PKD2L2: variants seen among roughly 807,000 people sequenced by gnomAD.
The protein encoded by PKD2L2 is polycystin 2 like 2, transient receptor potential cation channel.
Under a neutral mutation model 83.9 loss-of-function variants are expected in PKD2L2, and 67 were observed. That is an observed-to-expected ratio of 0.80 (90% CI 0.66 to 0.98). The LOEUF (loss-of-function observed/expected upper bound fraction) is 0.98. Among genes scored for constraint, PKD2L2 ranks in the 50% least tolerant of loss-of-function variants. The pLI, the probability that PKD2L2 is intolerant of heterozygous loss-of-function variation, is 0.00. For synonymous variants in PKD2L2, 223 were observed against 237.8 expected (o/e 0.94, Z 0.57); for missense variants, 632 against 717.2 (o/e 0.88, Z 1.36).
At chr5:137,929,622 T>C (rs191298789) in intron 12 of PKD2L2, among the ~76,000 whole-genome samples, 1 of 139,484 alleles carries the variant, frequency 7.2e-6, no homozygotes, top group East Asian at 2.1e-4. Flanking sequence ...ACCAGATATA[T>C]CTAACATAAA....
intron 5 of PKD2L2, 115 bp from the exon 6 acceptor site, chr5:137,906,091 A>G: frequency 1.6e-6 from 1 of 618,344 alleles, no homozygotes; most frequent in Non-Finnish European, 2.8e-6. Context: ...ATACTTTATT[A>G]AAAAAAACTG....
Position 137,894,465 on chromosome 5 carries a change from G to T in PKD2L2, c.380G>T (p.Gly127Val). ...SRIYYENILL[G>V]VPRVRQLKVR... Reference sequence around the variant, plus strand: ...ATCTACTATGAAAATATACTTCTAGGAGTTCCCAGAGTTCGTCAACTAAAA... The same window carrying T: ...ATCTACTATGAAAATATACTTCTAGTAGTTCCCAGAGTTCGTCAACTAAAA... Residue 127 changes from glycine (G) to valine (V), a missense_variant, in exon 4 of 15, where the codon GGA becomes GTA. Physicochemically the swap from Gly to Val is moderately radical, Grantham distance 109. This residue lies in a region of PKD2L2 where 229 missense variants were observed against 281.5 expected (regional missense o/e 0.81). Coordinates refer to ENST00000508883, the MANE Select transcript of PKD2L2 (RefSeq NM_001300921.2). 1 of 1,613,800 alleles carries T rather than the reference G, an allele frequency of 6.2e-7. No individual in the cohort carries two copies. The highest frequency in any genetic ancestry group is 8.5e-7 in the Non-Finnish European group (1 of 1,179,890).
At chr5:137,934,970 G>A (rs886789337) in intron 12 of PKD2L2, among the ~76,000 whole-genome samples, 2 of 152,192 alleles carry the variant, frequency 1.3e-5, no homozygotes, top group Non-Finnish European at 2.9e-5. Context: ...CACTTATCAA[G>A]CAACCACAGA....
intron 5 of PKD2L2, among the ~76,000 whole-genome samples, chr5:137,904,594 A>G (rs1264123275): frequency 6.6e-6 from 1 of 152,132 alleles, no homozygotes; most frequent in African/African-American, 2.4e-5. Flanking sequence ...AGGGGGAACA[A>G]CAGACACTGG....
intron 12 of PKD2L2, among the ~76,000 whole-genome samples, chr5:137,927,625 C>T (rs2150053242): frequency 6.6e-6 from 1 of 152,220 alleles, no homozygotes; most frequent in Non-Finnish European, 1.5e-5. Context: ...AAGAGGATGT[C>T]CTTGTATGCA....
chr5:137,940,238 G>C (rs778485796), intron 14 of PKD2L2: 4 of 1,613,954 alleles, frequency 2.5e-6, no homozygotes, highest in Non-Finnish European at 3.4e-6. Flanking sequence ...TATGGATTTT[G>C]AAGAATCTTG....
chr5:137,934,376 T>C lies in PKD2L2; in HGVS notation c.1672-1421T>C, dbSNP rs939079888. Among the ~76,000 whole-genome samples, 6 of 152,224 alleles carry C rather than the reference T, an allele frequency of 3.9e-5. No individual in the cohort carries two copies. The East Asian group carries it at 5.8e-4, about 15-fold the overall frequency. On this transcript the variant is annotated intron_variant, in intron 12 of 14. Transcript: ENST00000508883. ...TATTACTAATACATCCACTTTATAATTGGCCTGGTCATTTAGAAATGGTTT... is the reference window on the plus strand; with the variant it reads ...TATTACTAATACATCCACTTTATAACTGGCCTGGTCATTTAGAAATGGTTT...
intron 4 of PKD2L2, among the ~76,000 whole-genome samples, chr5:137,899,249 T>C (rs992131854): frequency 6.6e-6 from 1 of 152,104 alleles, no homozygotes. Context: ...CCTGAGCAGG[T>C]GGGACTACAG....
At chr5:137,923,019 T>C (rs1194076087) in intron 9 of PKD2L2, among the ~76,000 whole-genome samples, 1 of 150,582 alleles carries the variant, frequency 6.6e-6, no homozygotes, top group Non-Finnish European at 1.5e-5. Context: ...TTCTTTTCTT[T>C]TTTTTTTTTT....
intron 5 of PKD2L2, 75 bp from the exon 6 acceptor site, chr5:137,906,131 T>C (rs1757344847): frequency 3.6e-6 from 3 of 825,358 alleles, no homozygotes; most frequent in African/African-American, 3.4e-5. Flanking sequence ...TAATCATTGA[T>C]TGAAAATTTC....
At chr5:137,916,642 G>A (rs1758381211) in intron 8 of PKD2L2, among the ~76,000 whole-genome samples, 1 of 151,454 alleles carries the variant, frequency 6.6e-6, no homozygotes, top group African/African-American at 2.4e-5. Context: ...ACCACACCCG[G>A]CTAATTTTTG....
intron 1 of PKD2L2, chr5:137,890,208 G>A: frequency 4.0e-6 from 1 of 248,582 alleles, no homozygotes; most frequent in Non-Finnish European, 7.5e-6. Context: ...GCTTGAACCG[G>A]GGAGGCGGAG....
Position 137,923,523 on chromosome 5 carries a change from TA to T in PKD2L2, c.1551+4del. 1 of 1,269,770 alleles carries T rather than the reference TA, an allele frequency of 7.9e-7. No homozygotes were observed. The highest frequency in any genetic ancestry group is 1.2e-6 in the Non-Finnish European group (1 of 866,852). 78.7% of individuals were successfully genotyped at this position (1,269,770 alleles called of 1,614,324 possible). A position where few individuals can be genotyped will look rare whatever the true frequency, so the allele number is the denominator to read the frequency against. On this transcript the variant is annotated splice_donor_region_variant and intron_variant, in intron 10 of 14. Transcript: ENST00000508883. Reference sequence around the variant, plus strand: ...GAACTTGGCAAAATGATTAAACAGGTAAGTCAAATTTCTTTCCTAATTAGAA... The same window carrying T: ...GAACTTGGCAAAATGATTAAACAGGTAGTCAAATTTCTTTCCTAATTAGAA...
chr5:137,941,560 T>C (rs1330518306), intron 14 of PKD2L2, among the ~76,000 whole-genome samples: 3 of 152,280 alleles, frequency 2.0e-5, no homozygotes, highest in Non-Finnish European at 2.9e-5. Flanking sequence ...ATGAACACAA[T>C]GGTCTCAGTA....
In PKD2L2 at chr5:137,889,471, G is replaced by GC; in HGVS notation, c.-20dup. The GC allele has an allele frequency of 6.3e-7, 1 of 1,581,744 alleles. No individual in the cohort carries two copies. Among genetic ancestry groups the GC allele is most frequent in the Non-Finnish European group, 8.6e-7 (1 of 1,167,018 alleles). On this transcript the variant is annotated 5_prime_UTR_variant, in exon 1 of 15. Transcript: ENST00000508883. ...GCCGCGGCCTCAGGCGAACGAACGGGCGGTGTAGTGCAGGTCCGCCATGGC... is the reference window on the plus strand; with the variant it reads ...GCCGCGGCCTCAGGCGAACGAACGGGCCGGTGTAGTGCAGGTCCGCCATGGC...
chr5:137,936,319 G>A lies in PKD2L2; in HGVS notation c.1785-1G>A, dbSNP rs1349524934. On this transcript the variant is annotated splice_acceptor_variant, in intron 13 of 14. Transcript: ENST00000508883. LOFTEE classifies it high-confidence loss of function. Reference sequence around the variant, plus strand: ...TCTCTACTTCCTTCGAAATTTTCTAGACTTTTTTTATATGCTGTGGAGCTG... The same window carrying A: ...TCTCTACTTCCTTCGAAATTTTCTAAACTTTTTTTATATGCTGTGGAGCTG... The A allele has an allele frequency of 6.5e-7, 1 of 1,530,076 alleles. No homozygotes were observed. Among genetic ancestry groups the A allele is most frequent in the Non-Finnish European group, 8.8e-7 (1 of 1,141,398 alleles). The allele number at this position is 1,530,076 out of a possible 1,614,324, so 94.8% of individuals were successfully genotyped here.
chr5:137,923,469 A>ACT lies in PKD2L2; in HGVS notation c.1500_1501dup (p.Tyr501SerfsTer4). 6.4e-7 allele frequency: 1 copy of ACT among 1,570,738 alleles called. No homozygotes were observed. The highest frequency in any genetic ancestry group is 8.8e-7 in the Non-Finnish European group (1 of 1,140,528). ...GATACCTATTCTGAAGTGAAAGCTGACTATTCAATAGGCAGAAGGCTAGAT... is the reference window on the plus strand; with the variant it reads ...GATACCTATTCTGAAGTGAAAGCTGACTCTATTCAATAGGCAGAAGGCTAGAT... On this transcript the variant is annotated frameshift_variant, in exon 10 of 15. Coordinates refer to ENST00000508883, the MANE Select transcript of PKD2L2 (RefSeq NM_001300921.2). LOFTEE classifies it high-confidence loss of function.
In PKD2L2 at chr5:137,941,063, G is replaced by A. The variant is rs143841710; in HGVS notation, c.*18-1321G>A. Among the ~76,000 whole-genome samples, 945 of 152,090 alleles carry A rather than the reference G, an allele frequency of 6.2e-3. 13 individuals carry two copies. Among genetic ancestry groups the A allele is most frequent in the African/African-American group, 0.022 (910 of 41,496 alleles). On this transcript the variant is annotated intron_variant, in intron 14 of 14. Coordinates refer to ENST00000508883, the MANE Select transcript of PKD2L2 (RefSeq NM_001300921.2). Reference sequence around the variant, plus strand: ...TGGAACTACAGGTGCCCGCCACCACGCCTGCCTAATTTTTTTTGTATTTTT... The same window carrying A: ...TGGAACTACAGGTGCCCGCCACCACACCTGCCTAATTTTTTTTGTATTTTT...
rs776690887 is a variant in PKD2L2 at position 137,908,753 on chromosome 5, G to T, written c.1147-12G>T. 9 of 1,393,266 alleles carry T rather than the reference G, an allele frequency of 6.5e-6. No homozygotes were observed. The highest frequency in any genetic ancestry group is 7.9e-6 in the Non-Finnish European group (8 of 1,007,996). The allele number at this position is 1,393,266 out of a possible 1,614,324, so 86.3% of individuals were successfully genotyped here. A position where few individuals can be genotyped will look rare whatever the true frequency, so the allele number is the denominator to read the frequency against. On this transcript the variant is annotated splice_polypyrimidine_tract_variant and intron_variant, in intron 7 of 14. Transcript: ENST00000508883. Reference sequence around the variant, plus strand: ...ATATTCTCCTATTTCAATTAACTTTGTTCTTTTTCAGATATTCAAATTCAT... The same window carrying T: ...ATATTCTCCTATTTCAATTAACTTTTTTCTTTTTCAGATATTCAAATTCAT...
Sources: allele counts gnomAD v4.1 joint callset (sites outside exome capture counted in the v4.1 genomes callset), GRCh38; gene constraint gnomAD v4.1.1; regional missense constraint gnomAD v4.1.1; transcripts MANE v1.5; gene names NCBI Gene and HGNC (gene_info 2026-07-23, HGNC 2026-07-21).